The following RUFY2 variants were observed in gnomAD, a reference collection of about 807,000 sequenced individuals.
RUFY2 encodes the protein RUN and FYVE domain-containing protein 2.
RUFY2 carries 49 observed loss-of-function variants against 94.4 expected under a neutral mutation model. That is an observed-to-expected ratio of 0.52 (90% CI 0.41 to 0.66). The LOEUF (loss-of-function observed/expected upper bound fraction) is 0.66. Among genes scored for constraint, RUFY2 ranks in the 30% least tolerant of loss-of-function variants. The probability of loss-of-function intolerance (pLI) is 0.00; values close to 1 mark genes in which losing one functional copy is unlikely to be tolerated. For missense variants in RUFY2, 541 were observed against 692.8 expected (o/e 0.78, Z 2.46); for synonymous variants, 255 against 235.7 (o/e 1.08, Z -0.75).
At chr10:68,355,290 G>T in intron 16 of RUFY2, 63 bp downstream of exon 16, 1 of 1,149,154 alleles carries the variant, frequency 8.7e-7, no homozygotes, top group Non-Finnish European at 1.3e-6. Context: ...GATTCACACA[G>T]GGCATTACCT....
At chr10:68,343,376 C>A (rs1015432530), downstream of RUFY2, 1 of 152,440 alleles carries the variant, frequency 6.6e-6, no homozygotes, top group African/African-American at 2.4e-5. Flanking sequence ...CTTTAATGAG[C>A]AATTTAAATA....
chr10:68,360,041 G>GCCTCGAACTCCTGA (rs1176964354), intron 15 of RUFY2, among the ~76,000 whole-genome samples: 2 of 151,984 alleles, frequency 1.3e-5, no homozygotes, highest in Non-Finnish European at 2.9e-5. Context: ...GGCCAGGCTG[G>GCCTCGAACTCCTGA]CCTCGAACTC....
At chr10:68,354,922 T>C (rs1374321580) in intron 16 of RUFY2, among the ~76,000 whole-genome samples, 4 of 151,692 alleles carry the variant, frequency 2.6e-5, no homozygotes, top group Non-Finnish European at 5.9e-5. Context: ...TCTCTGCTCA[T>C]TGCAACCTCC....
intron 16 of RUFY2, among the ~76,000 whole-genome samples, chr10:68,353,366 C>T (rs1185812302): frequency 6.9e-6 from 1 of 145,450 alleles, no homozygotes; most frequent in African/African-American, 2.5e-5. Flanking sequence ...GGCGTGGGGG[C>T]AGGTGCCTGT....
At chr10:68,382,728 A>AG (rs1261091117) in intron 10 of RUFY2, among the ~76,000 whole-genome samples, 1 of 133,460 alleles carries the variant, frequency 7.5e-6, no homozygotes, top group Non-Finnish European at 1.5e-5. Flanking sequence ...AAAAAAAAAA[A>AG]GAAAAAAAAA....
downstream of RUFY2, chr10:68,343,140 G>T (rs930523821): frequency 6.6e-6 from 1 of 152,148 alleles, no homozygotes; most frequent in Non-Finnish European, 1.5e-5. Flanking sequence ...TATTGAACTT[G>T]TTACTTGTTT....
intron 12 of RUFY2, 88 bp from the exon 13 acceptor site, chr10:68,377,060 GA>G: frequency 6.4e-7 from 1 of 1,554,230 alleles, no homozygotes; most frequent in East Asian, 2.3e-5. Context: ...GAAAAATGGG[GA>G]AATAGAAACA....
chr10:68,383,128 C>T (rs976467531), intron 10 of RUFY2, among the ~76,000 whole-genome samples: 14 of 152,102 alleles, frequency 9.2e-5, no homozygotes, highest in African/African-American at 2.4e-4. Flanking sequence ...AGTTTGAGCC[C>T]AGCCTGGCCA....
chr10:68,366,330 C>CA (rs374353912), intron 13 of RUFY2, among the ~76,000 whole-genome samples: 25,013 of 55,140 alleles, frequency 0.45, 4,674 homozygotes, highest in Non-Finnish European at 0.5. Flanking sequence ...AACTCCATCT[C>CA]AAAAAAAAAA....
intron 7 of RUFY2, among the ~76,000 whole-genome samples, chr10:68,388,837 CAAAAAA>C (rs71009052): frequency 3.9e-5 from 4 of 102,498 alleles, no homozygotes; most frequent in Admixed American, 1.1e-4. Context: ...AACCCTGTCT[CAAAAAA>C]AAAAAAAAAA....
intron 13 of RUFY2, among the ~76,000 whole-genome samples, chr10:68,369,757 A>G (rs771744034): frequency 5.3e-5 from 8 of 151,970 alleles, no homozygotes; most frequent in African/African-American, 7.3e-5. Flanking sequence ...TCATGTCTCT[A>G]TAAGAAAAAT....
At chr10:68,377,167 C>A in intron 12 of RUFY2, 195 bp from the exon 13 acceptor site, 1 of 1,403,792 alleles carries the variant, frequency 7.1e-7, no homozygotes, top group Non-Finnish European at 9.3e-7. Flanking sequence ...TTTTTTTTTT[C>A]AATATAACAT....
chr10:68,379,295 G>C, intron 12 of RUFY2, 129 bp downstream of exon 12: 2 of 671,880 alleles, frequency 3.0e-6, no homozygotes. Flanking sequence ...GCAAAATCCT[G>C]CTGGGCTTAA....
chr10:68,341,749 C>CT, downstream of RUFY2: 4 of 1,588,146 alleles, frequency 2.5e-6, no homozygotes, highest in South Asian at 4.6e-5. Flanking sequence ...TTTCTTTTTT[C>CT]TTTTTAAAGA....
chr10:68,406,668 C>T (rs2051339190), intron 1 of RUFY2: 1 of 1,292,336 alleles, frequency 7.7e-7, no homozygotes, highest in East Asian at 2.7e-5. Context: ...CCTAGAGCCC[C>T]TTCCCTGCCT....
At chr10:68,342,175 ATAT>A (rs765594540), downstream of RUFY2, 10 of 655,062 alleles carry the variant, frequency 1.5e-5, no homozygotes, top group Non-Finnish European at 2.0e-5. Context: ...TGTTTTCAAA[ATAT>A]TATTTGGTAA....
intron 13 of RUFY2, among the ~76,000 whole-genome samples, chr10:68,374,114 CAAAAAAAAAAAAAA>C (rs34041522): frequency 1.4e-3 from 81 of 59,348 alleles, no homozygotes; most frequent in African/African-American, 5.2e-3. Flanking sequence ...GATCCTGTCC[CAAAAAAAAAAAAAA>C]AAAAAAAAAA....
Position 68,383,919 on chromosome 10 carries a change from GA to G in RUFY2, c.823-6del. 1 of 1,608,444 alleles carries G rather than the reference GA, an allele frequency of 6.2e-7. No homozygotes were observed. The highest frequency in any genetic ancestry group is 8.5e-7 in the Non-Finnish European group (1 of 1,175,960). Reference sequence around the variant, plus strand: ...TTCCACATCTACTTTGGTAACCTAGGAAGAAAACAAAATTTTTCATTCTATA... The same window carrying G: ...TTCCACATCTACTTTGGTAACCTAGGAGAAAACAAAATTTTTCATTCTATA... On this transcript the variant is annotated splice_polypyrimidine_tract_variant and splice_region_variant and intron_variant, in intron 9 of 17. Transcript: ENST00000602465.
At chr10:68,357,529 G>A (rs2132406660) in intron 15 of RUFY2, among the ~76,000 whole-genome samples, 1 of 151,998 alleles carries the variant, frequency 6.6e-6, no homozygotes. Context: ...ACCGTGCCAA[G>A]CCCCAGTTGG....
Sources: allele counts gnomAD v4.1 joint callset (sites outside exome capture counted in the v4.1 genomes callset), GRCh38; gene constraint gnomAD v4.1.1; transcripts MANE v1.5; gene names NCBI Gene and HGNC (gene_info 2026-07-23, HGNC 2026-07-21).